Variants in RPAP1 observed in about 807,000 individuals in gnomAD.
RPAP1 encodes the protein RNA polymerase II-associated protein 1.
Under a neutral mutation model 142.4 loss-of-function variants are expected in RPAP1, and 109 were observed. That is an observed-to-expected ratio of 0.77 (90% CI 0.66 to 0.90). RPAP1 has a LOEUF of 0.90. Among genes scored for constraint, RPAP1 ranks in the 40% least tolerant of loss-of-function variants. The pLI, the probability that RPAP1 is intolerant of heterozygous loss-of-function variation, is 0.00. For synonymous variants in RPAP1, 704 were observed against 738.9 expected (o/e 0.95, Z 0.77); for missense variants, 1,546 against 1,751.7 (o/e 0.88, Z 2.10).
chr15:41,536,896 C>G lies in RPAP1; in HGVS notation c.181+49G>C, dbSNP rs755612182. On this transcript the variant is annotated intron_variant, in intron 2 of 24. Coordinates refer to ENST00000304330, the MANE Select transcript of RPAP1 (RefSeq NM_015540.4). ...ACCACAACAGGAAGAGGGAGGGGCCCGAGGCTGTACCCTCTCTACTTCTCA... is the reference window on the plus strand; with the variant it reads ...ACCACAACAGGAAGAGGGAGGGGCCGGAGGCTGTACCCTCTCTACTTCTCA... 3.2e-6 allele frequency: 5 copies of G among 1,581,942 alleles called. No individual in the cohort carries two copies. The South Asian group carries it at 5.7e-5, about 18-fold the overall frequency.
At chr15:41,530,010 A>G (rs2051832671) in intron 7 of RPAP1, 31 bp from the exon 8 acceptor site, 18 of 1,576,272 alleles carry the variant, frequency 1.1e-5, no homozygotes, top group Non-Finnish European at 1.5e-5. Flanking sequence ...AGTATTACCC[A>G]AACGGCTCAG....
chr15:41,527,773 A>G, intron 11 of RPAP1, 87 bp downstream of exon 11: 1 of 1,544,986 alleles, frequency 6.5e-7, no homozygotes, highest in Non-Finnish European at 8.8e-7. Flanking sequence ...CTTGCCCGCA[A>G]AGCCTTAGCA....
chr15:41,523,857 T>G lies in RPAP1; in HGVS notation c.2350A>C (p.Arg784=), dbSNP rs1016735369. ...CCCACGGCTCTCCACATCTCAGGTC[T>G]GGACAGCAACTTCAAGGTCTGCCTT... ...CLRQTLKLLS[R]PEMWRAVGPV... is the part of the protein sequence containing the mutation. The change falls in exon 17 of 25, where the codon AGA becomes CGA. Residue 784 remains arginine (R), a synonymous_variant. Transcript: ENST00000304330. The G allele has an allele frequency of 2.5e-6, 4 of 1,609,062 alleles. No homozygotes were observed.
chr15:41,531,460 T>A (rs1300219515), intron 6 of RPAP1, among the ~76,000 whole-genome samples: 1 of 151,938 alleles, frequency 6.6e-6, no homozygotes, highest in African/African-American at 2.4e-5. Flanking sequence ...CCCAGGTTCC[T>A]ATGCCTATCC....
chr15:41,525,589 G>A (rs966495244), intron 14 of RPAP1, among the ~76,000 whole-genome samples: 6 of 151,846 alleles, frequency 4.0e-5, no homozygotes, highest in East Asian at 1.9e-4. Context: ...CACCCACCTC[G>A]GCCTTCCAAA....
chr15:41,541,597 C>T (rs2051972754), intron 1 of RPAP1, among the ~76,000 whole-genome samples: 1 of 152,126 alleles, frequency 6.6e-6, no homozygotes, highest in South Asian at 2.1e-4. Context: ...CCTGTAATCC[C>T]AGCACTTTGG....
chr15:41,531,632 T>A (rs796491430), intron 6 of RPAP1, among the ~76,000 whole-genome samples: 50,523 of 86,508 alleles, frequency 0.58, 10,509 homozygotes, highest in Admixed American at 0.64. Flanking sequence ...TATATATTTT[T>A]TTTTTTTTTT....
At chr15:41,520,344 GC>G (rs1566882329) in intron 22 of RPAP1, 46 bp downstream of exon 22, 1 of 1,606,366 alleles carries the variant, frequency 6.2e-7, no homozygotes, top group East Asian at 2.2e-5. Context: ...TGCCCCCGAG[GC>G]CCAGTGCAGG....
intron 1 of RPAP1, among the ~76,000 whole-genome samples, chr15:41,541,527 C>T (rs1213254520): frequency 6.6e-6 from 1 of 151,478 alleles, no homozygotes; most frequent in Non-Finnish European, 1.5e-5. Flanking sequence ...GAGAGGTAGA[C>T]AAGCTAGATA....
chr15:41,522,516 G>A (rs761997662), intron 19 of RPAP1: 7 of 564,426 alleles, frequency 1.2e-5, no homozygotes, highest in African/African-American at 3.8e-5. Context: ...TCAGCCTCCC[G>A]AGTAGCTGGG....
intron 17 of RPAP1, 141 bp downstream of exon 17, chr15:41,523,630 G>A (rs1280184309): frequency 9.7e-6 from 8 of 827,298 alleles, no homozygotes; most frequent in Admixed American, 2.2e-5. Context: ...GTAGAAAGAG[G>A]AGGAAGGGTA....
At chr15:41,535,405 G>A in intron 5 of RPAP1, 107 bp downstream of exon 5, 1 of 1,426,032 alleles carries the variant, frequency 7.0e-7, no homozygotes, top group Non-Finnish European at 9.4e-7. Context: ...ACTTGAGATG[G>A]CTCAAATGCA....
Position 41,529,544 on chromosome 15 carries a change from G to C in RPAP1, c.1084C>G (p.Gln362Glu). 6.2e-7 allele frequency: 1 copy of C among 1,613,242 alleles called. No individual in the cohort carries two copies. The change falls in exon 9 of 25, where the codon CAG (glutamine) becomes GAG (glutamate). Residue 362 changes from glutamine to glutamate, a missense_variant. This residue lies in a region of RPAP1 where 1,333 missense variants were observed against 1,486.6 expected (regional missense o/e 0.90). Transcript: ENST00000304330. ...QERMQARFSL[Q>E]GELLAPDVDL... ...ACGTCAGGGGCCAGTAGTTCTCCCT[G>C]AAGACTGAATCGAGCCTGCATCCTC...
intron 2 of RPAP1, 22 bp downstream of exon 2, chr15:41,536,923 C>T (rs746209058): frequency 1.9e-6 from 3 of 1,609,514 alleles, no homozygotes; most frequent in African/African-American, 2.7e-5. Flanking sequence ...TACTTCTCAG[C>T]CTCACATCCA....
In RPAP1 at chr15:41,535,534, C is replaced by T; in HGVS notation, c.519G>A (p.Val173=). Residue 173 remains valine (V), a synonymous_variant, in exon 5 of 25, where the codon GTG becomes GTA. Transcript: ENST00000304330. The part of the protein sequence containing the change: ...EAKGPSVGEV[V]PNVGPPEGAV... ...CACCCTCTGGTGGGCCCACGTTGGG[C>T]ACAACTTCCCCAACTGATGGGCCCT... 6.2e-7 allele frequency: 1 copy of T among 1,612,162 alleles called. No individual in the cohort carries two copies. The highest frequency in any genetic ancestry group is 8.5e-7 in the Non-Finnish European group (1 of 1,179,502).
intron 14 of RPAP1, among the ~76,000 whole-genome samples, chr15:41,525,661 T>C (rs2051784082): frequency 6.8e-6 from 1 of 147,842 alleles, no homozygotes; most frequent in Non-Finnish European, 1.5e-5. Flanking sequence ...ATTTTTATTA[T>C]TATTATTTTT....
In RPAP1 at chr15:41,534,751, C is replaced by A. The variant is rs2051890419; in HGVS notation, c.726G>T (p.Glu242Asp). Residue 242 changes from glutamate (E) to aspartate (D), a missense_variant, in exon 6 of 25, where the codon GAG becomes GAT. Physicochemically the swap from Glu to Asp is conservative, Grantham distance 45. Coordinates refer to ENST00000304330, the MANE Select transcript of RPAP1 (RefSeq NM_015540.4). ...GCAACCGCTGCTGTTCCTGCAGGAT[C>A]TCCTCAGGAGCCATGGCCTGCAGTC... is the stretch of plus-strand genomic sequence containing the variant. ...IARLQAMAPE[E>D]ILQEQQRLLA... The A allele has an allele frequency of 6.2e-7, 1 of 1,614,102 alleles. No individual in the cohort carries two copies. The highest frequency in any genetic ancestry group is 8.5e-7 in the Non-Finnish European group (1 of 1,180,026).
chr15:41,517,973 C>T, intron 23 of RPAP1, 33 bp downstream of exon 23: 2 of 1,613,856 alleles, frequency 1.2e-6, no homozygotes, highest in South Asian at 2.2e-5. Flanking sequence ...TGCTAGCTCC[C>T]TTCCTTCCTC....
At chr15:41,526,233 G>C (rs890889673) in intron 14 of RPAP1, among the ~76,000 whole-genome samples, 5 of 152,200 alleles carry the variant, frequency 3.3e-5, no homozygotes, top group African/African-American at 9.6e-5. Context: ...ACAGGCGTGA[G>C]CCACTGCACC....
Sources: gnomAD v4.1 joint callset for allele counts (sites outside exome capture counted in the v4.1 genomes callset) on GRCh38, gnomAD v4.1.1 for gene constraint, gnomAD v4.1.1 regional missense constraint, MANE v1.5 for transcripts, NCBI Gene and HGNC (gene_info 2026-07-23, HGNC 2026-07-21) for gene names.